The following MSRA variants were observed in gnomAD, a reference collection of about 807,000 sequenced individuals.
The protein encoded by MSRA is methionine sulfoxide reductase A.
In MSRA, 54 loss-of-function variants were observed where a neutral mutation model predicts 31.3. The ratio of observed to expected loss-of-function variants is 1.73; its 90% confidence interval spans 1.39 to 2.17. MSRA has a LOEUF of 2.17. MSRA is among the 30% of genes most tolerant of loss of function. MSRA has a pLI of 0.00. For synonymous variants in MSRA, 169 were observed against 116.5 expected (o/e 1.45, Z -2.90); for missense variants, 507 against 300.9 (o/e 1.69, Z -5.07).
chr8:10,136,269 G>T (rs200794477), intron 1 of MSRA, among the ~76,000 whole-genome samples: 1 of 152,194 alleles, frequency 6.6e-6, no homozygotes, highest in East Asian at 1.9e-4. Flanking sequence ...AGAGGAGGGC[G>T]TCCTTATCTA....
At chr8:10,417,638 C>G (rs1236456349) in intron 5 of MSRA, among the ~76,000 whole-genome samples, 1 of 151,644 alleles carries the variant, frequency 6.6e-6, no homozygotes, top group Non-Finnish European at 1.5e-5. Flanking sequence ...AAAGCCATCC[C>G]AGTCATTTCA....
chr8:10,100,603 C>G (rs1799470108), intron 1 of MSRA, among the ~76,000 whole-genome samples: 1 of 151,958 alleles, frequency 6.6e-6, no homozygotes, highest in Non-Finnish European at 1.5e-5. Context: ...AAATTTAGAT[C>G]AAGTGAAAGA....
intron 1 of MSRA, among the ~76,000 whole-genome samples, chr8:10,146,760 G>T (rs1399769900): frequency 6.6e-6 from 1 of 152,192 alleles, no homozygotes; most frequent in East Asian, 1.9e-4. Flanking sequence ...TCTGGGCGTG[G>T]CGCTGGTCTG....
intron 2 of MSRA, among the ~76,000 whole-genome samples, chr8:10,234,534 G>A (rs990352614): frequency 1.3e-5 from 2 of 151,676 alleles, no homozygotes; most frequent in African/African-American, 4.8e-5. Context: ...GAAAATGAGG[G>A]AAAAGAAATT....
chr8:10,261,526 G>A (rs776902794), intron 3 of MSRA, among the ~76,000 whole-genome samples: 10 of 152,112 alleles, frequency 6.6e-5, no homozygotes, highest in East Asian at 3.9e-4. Context: ...CAAGGCATTC[G>A]TTTCTACAAA....
At chr8:10,283,167 C>CACACACACACT (rs1554515460) in intron 3 of MSRA, among the ~76,000 whole-genome samples, 1 of 151,602 alleles carries the variant, frequency 6.6e-6, no homozygotes, top group African/African-American at 2.4e-5. Flanking sequence ...CACACTCTCA[C>CACACACACACT]CCTTCTCTTT....
At chr8:10,108,459 C>T (rs1330525939) in intron 1 of MSRA, among the ~76,000 whole-genome samples, 1 of 152,204 alleles carries the variant, frequency 6.6e-6, no homozygotes, top group African/African-American at 2.4e-5. Flanking sequence ...TTGCGATAGT[C>T]TGTGGATTAG....
At chr8:10,359,337 T>A (rs935849590) in intron 5 of MSRA, among the ~76,000 whole-genome samples, 3 of 152,220 alleles carry the variant, frequency 2.0e-5, no homozygotes, top group African/African-American at 7.2e-5. Flanking sequence ...CCATTTCCTT[T>A]ACACAGCTTT....
chr8:10,163,398 A>G (rs770236192), intron 1 of MSRA, among the ~76,000 whole-genome samples: 1 of 152,160 alleles, frequency 6.6e-6, no homozygotes, highest in Non-Finnish European at 1.5e-5. Flanking sequence ...ATGAGAAGGA[A>G]ATGAGGCCAG....
chr8:10,137,742 C>A (rs551865419), intron 1 of MSRA, among the ~76,000 whole-genome samples: 142 of 152,020 alleles, frequency 9.3e-4, no homozygotes, highest in Non-Finnish European at 1.7e-3. Flanking sequence ...GAGCTTAGAG[C>A]CTGGATGGGT....
At chr8:10,423,155 G>T (rs1363021682) in intron 5 of MSRA, among the ~76,000 whole-genome samples, 1 of 152,170 alleles carries the variant, frequency 6.6e-6, no homozygotes, top group Admixed American at 6.5e-5. Flanking sequence ...CGGGAGAGGG[G>T]AGAGGCCACC....
intron 5 of MSRA, among the ~76,000 whole-genome samples, chr8:10,364,879 C>T (rs1056920848): frequency 2.0e-5 from 3 of 152,182 alleles, no homozygotes; most frequent in Admixed American, 2.0e-4. Context: ...GTGGGTCTTT[C>T]CCTAAACTGT....
chr8:10,143,512 C>T (rs62488735), intron 1 of MSRA, among the ~76,000 whole-genome samples: 3 of 152,144 alleles, frequency 2.0e-5, no homozygotes, highest in African/African-American at 7.2e-5. Flanking sequence ...GCTCTATATC[C>T]TTATGGATTA....
At chr8:10,402,213 C>A (rs1021581236) in intron 5 of MSRA, among the ~76,000 whole-genome samples, 2 of 152,196 alleles carry the variant, frequency 1.3e-5, no homozygotes, top group African/African-American at 4.8e-5. Context: ...TTCATCCCCT[C>A]CCACCTCTAA....
chr8:10,240,543 T>C (rs1812318948), intron 2 of MSRA, among the ~76,000 whole-genome samples: 1 of 152,178 alleles, frequency 6.6e-6, no homozygotes, highest in African/African-American at 2.4e-5. Context: ...TCATGCTGCA[T>C]ACTCACTCCC....
intron 5 of MSRA, among the ~76,000 whole-genome samples, chr8:10,335,488 G>C (rs1391697419): frequency 1.3e-5 from 2 of 152,040 alleles, no homozygotes; most frequent in Middle Eastern, 3.2e-3. Context: ...TGCTGAACTG[G>C]GGAGGCGATT....
Position 10,234,317 on chromosome 8 carries a change from C to T in MSRA, c.212-10787C>T, listed in dbSNP as rs13439417. Among the ~76,000 whole-genome samples the T allele has an allele frequency of 2.4e-3, 358 of 152,124 alleles. 4 individuals carry two copies. Among genetic ancestry groups the T allele is most frequent in the African/African-American group, 7.8e-3 (323 of 41,502 alleles). ...ATAAAAAAGGCAAATCTTTACACTG[C>T]GGTAATGAGATAGAGATTGTTCAGT... is the stretch of plus-strand genomic sequence containing the variant. On this transcript the variant is annotated intron_variant, in intron 2 of 5. Coordinates refer to ENST00000317173, the MANE Select transcript of MSRA (RefSeq NM_012331.5).
intron 3 of MSRA, among the ~76,000 whole-genome samples, chr8:10,288,379 C>A (rs1394542028): frequency 6.6e-6 from 1 of 152,108 alleles, no homozygotes; most frequent in African/African-American, 2.4e-5. Flanking sequence ...GTGACACCAC[C>A]CTTATTGAGA....
At chr8:10,354,259 T>C (rs1236786325) in intron 5 of MSRA, among the ~76,000 whole-genome samples, 3 of 152,208 alleles carry the variant, frequency 2.0e-5, no homozygotes, top group Non-Finnish European at 4.4e-5. Flanking sequence ...ACTAAGCCAT[T>C]AGTTGAATTA....
Sources: allele counts gnomAD v4.1 joint callset (sites outside exome capture counted in the v4.1 genomes callset), GRCh38; gene constraint gnomAD v4.1.1; transcripts MANE v1.5; gene names NCBI Gene and HGNC (gene_info 2026-07-23, HGNC 2026-07-21).